MYO5B: variants seen among roughly 807,000 people sequenced by gnomAD.
The protein encoded by MYO5B is unconventional myosin-Vb.
A neutral mutation model predicts 229.3 loss-of-function variants in MYO5B; 143 were observed. That is an observed-to-expected ratio of 0.62 (90% CI 0.54 to 0.72). The LOEUF (loss-of-function observed/expected upper bound fraction) is 0.72. Ranked by LOEUF, MYO5B falls within the 30% of genes least tolerant of loss-of-function variation. The probability of loss-of-function intolerance (pLI) is 0.00; values close to 1 mark genes in which losing one functional copy is unlikely to be tolerated. For synonymous variants in MYO5B, 918 were observed against 885.2 expected (o/e 1.04, Z -0.66); for missense variants, 2,321 against 2,331.0 (o/e 1.00, Z 0.09).
chr18:49,880,308 G>T, intron 23 of MYO5B, 63 bp downstream of exon 23: 1 of 1,400,210 alleles, frequency 7.1e-7, no homozygotes, highest in Non-Finnish European at 1.0e-6. Flanking sequence ...GGAGTCTTTG[G>T]GAGAAGTCAG....
intron 1 of MYO5B, among the ~76,000 whole-genome samples, chr18:50,186,016 T>A (rs2033143590): frequency 6.6e-6 from 1 of 152,254 alleles, no homozygotes; most frequent in African/African-American, 2.4e-5. Context: ...TACTTTAAAT[T>A]TTCTAATAAC....
intron 14 of MYO5B, among the ~76,000 whole-genome samples, chr18:49,942,761 T>C (rs867073902): frequency 3.2e-4 from 49 of 152,254 alleles, no homozygotes; most frequent in African/African-American, 4.6e-4. Context: ...TTTTACACTG[T>C]TGGTGGGACT....
chr18:49,917,864 G>C, intron 17 of MYO5B, among the ~76,000 whole-genome samples: 1 of 152,142 alleles, frequency 6.6e-6, no homozygotes, highest in East Asian at 1.9e-4. Flanking sequence ...GCTTGCTGGG[G>C]AGCAGGCGCC....
intron 27 of MYO5B, among the ~76,000 whole-genome samples, chr18:49,865,402 G>A (rs955810612): frequency 4.6e-5 from 7 of 152,106 alleles, no homozygotes; most frequent in Non-Finnish European, 7.4e-5. Context: ...GACATGATGA[G>A]GGCCCCAAAA....
intron 7 of MYO5B, among the ~76,000 whole-genome samples, chr18:49,985,095 T>A (rs952002544): frequency 6.6e-6 from 1 of 152,206 alleles, no homozygotes; most frequent in African/African-American, 2.4e-5. Context: ...ACAAAAGGCA[T>A]ATACGTCACA....
At chr18:50,070,676 T>C (rs116505992) in intron 1 of MYO5B, among the ~76,000 whole-genome samples, 1,529 of 152,166 alleles carry the variant, frequency 0.01, 21 homozygotes, top group African/African-American at 0.035. Context: ...CACGATACCA[T>C]TCCCCTGCTT....
intron 1 of MYO5B, among the ~76,000 whole-genome samples, chr18:50,119,229 T>C (rs1345342069): frequency 6.6e-6 from 1 of 152,208 alleles, no homozygotes; most frequent in Non-Finnish European, 1.5e-5. Context: ...GGGGCCCACA[T>C]GGAGCTGCAC....
chr18:50,041,877 G>A (rs556449045), intron 2 of MYO5B, among the ~76,000 whole-genome samples: 1 of 152,004 alleles, frequency 6.6e-6, no homozygotes, highest in Non-Finnish European at 1.5e-5. Flanking sequence ...ATCATACAAT[G>A]GAATTCCTAA....
chr18:50,015,761 C>A (rs8082892), intron 4 of MYO5B, among the ~76,000 whole-genome samples: 1 of 152,198 alleles, frequency 6.6e-6, no homozygotes, highest in African/African-American at 2.4e-5. Context: ...AGCACCTCCT[C>A]CAGGTGCTTG....
At chr18:49,950,250 T>G (rs2025418080) in intron 14 of MYO5B, among the ~76,000 whole-genome samples, 1 of 152,122 alleles carries the variant, frequency 6.6e-6, no homozygotes, top group Non-Finnish European at 1.5e-5. Flanking sequence ...GGCAAAAAGG[T>G]CACTGGCTCT....
chr18:50,140,414 C>G (rs1334061661), intron 1 of MYO5B, among the ~76,000 whole-genome samples: 2 of 152,156 alleles, frequency 1.3e-5, no homozygotes, highest in African/African-American at 4.8e-5. Context: ...TTGATTGACA[C>G]AAGAGAAGTC....
At chr18:49,904,273 A>T (rs1359161209) in intron 20 of MYO5B, among the ~76,000 whole-genome samples, 1 of 152,216 alleles carries the variant, frequency 6.6e-6, no homozygotes, top group East Asian at 1.9e-4. Flanking sequence ...GCTGCTTGTT[A>T]AAAGAGCCAC....
chr18:49,961,951 G>A (rs1003036301), intron 12 of MYO5B, among the ~76,000 whole-genome samples: 2 of 152,194 alleles, frequency 1.3e-5, no homozygotes, highest in Admixed American at 6.5e-5. Flanking sequence ...ATTAGATGTT[G>A]CAGTTCTTCT....
rs1213413329 is a variant in MYO5B, at chr18:49,864,281, C to G, written c.3703G>C (p.Gly1235Arg). The stretch of plus-strand genomic sequence containing the variant: ...AGGAGGCTGTAGCTATCTGGGGAGC[C>G]GTGGCTGGAGTTATTCTGCGTGGCT... The part of the protein sequence containing the change: ...DQATQNNSSH[G>R]SPDSYSLLLN... Residue 1235 changes from glycine (G) to arginine (R), a missense_variant, in exon 28 of 40, where the codon GGC (glycine) becomes CGC (arginine). Coordinates refer to ENST00000285039, the MANE Select transcript of MYO5B (RefSeq NM_001080467.3). 6.2e-7 allele frequency: 1 copy of G among 1,614,186 alleles called. No individual in the cohort carries two copies. The highest frequency in any genetic ancestry group is 1.6e-4 in the Middle Eastern group (1 of 6,062).
intron 1 of MYO5B, among the ~76,000 whole-genome samples, chr18:50,076,494 A>T (rs1011448685): frequency 2.8e-4 from 43 of 152,164 alleles, no homozygotes; most frequent in African/African-American, 1.0e-3. Flanking sequence ...GAGGCCTCCC[A>T]AGCGCTTTTC....
chr18:49,905,881 G>C (rs932359516), intron 19 of MYO5B, among the ~76,000 whole-genome samples: 7 of 152,128 alleles, frequency 4.6e-5, no homozygotes, highest in African/African-American at 1.7e-4. Flanking sequence ...GCAGGCAGGG[G>C]AGGCTGATTG....
At chr18:50,183,874 A>G (rs1475648063) in intron 1 of MYO5B, among the ~76,000 whole-genome samples, 1 of 152,088 alleles carries the variant, frequency 6.6e-6, no homozygotes, top group Non-Finnish European at 1.5e-5. Context: ...GAATGGATTC[A>G]TTCCCACGAC....
intron 4 of MYO5B, among the ~76,000 whole-genome samples, chr18:50,015,482 A>G (rs1318508465): frequency 2.0e-5 from 3 of 152,250 alleles, no homozygotes; most frequent in African/African-American, 7.2e-5. Context: ...TAATAGTTAT[A>G]AGAAGTCCCT....
chr18:49,975,916 G>C (rs1468129480), intron 9 of MYO5B, among the ~76,000 whole-genome samples: 1 of 152,154 alleles, frequency 6.6e-6, no homozygotes, highest in Admixed American at 6.5e-5. Context: ...CCTGACATTT[G>C]AGTCACTGGA....
Sources: allele counts gnomAD v4.1 joint callset (sites outside exome capture counted in the v4.1 genomes callset), GRCh38; gene constraint gnomAD v4.1.1; transcripts MANE v1.5; gene names NCBI Gene and HGNC (gene_info 2026-07-23, HGNC 2026-07-21).